Variants in MYLK4 observed in about 807,000 individuals in gnomAD.
MYLK4 encodes the protein myosin light chain kinase family member 4, also known as caMLCK like.
MYLK4 carries 46 observed loss-of-function variants against 48.1 expected under a neutral mutation model. The ratio of observed to expected loss-of-function variants is 0.96; its 90% CI spans 0.75 to 1.22. The LOEUF is 1.22. Among genes scored for constraint, MYLK4 ranks in the 50% most tolerant of loss-of-function variants. MYLK4 has a pLI of 0.00. For synonymous variants in MYLK4, 170 were observed against 180.8 expected (o/e 0.94, Z 0.48); for missense variants, 451 against 486.1 (o/e 0.93, Z 0.68).
the MYLK4 span, chr6:2,765,346 C>G: frequency 3.9e-5 from 11 of 280,178 alleles, no homozygotes; most frequent in Non-Finnish European, 6.5e-5. Context: ...CACTTACTTA[C>G]ATGCCGCGCG....
the MYLK4 span, among the ~76,000 whole-genome samples, chr6:2,762,433 A>G: frequency 6.6e-6 from 1 of 152,236 alleles, no homozygotes; most frequent in African/African-American, 2.4e-5. Context: ...TTTAGGCCTT[A>G]TATTAAGAGA....
At position 2,677,884 on chromosome 6, in the gene MYLK4, G is replaced by A. The variant is rs537197971; in HGVS notation, c.1040+336C>T. On this transcript the variant is annotated intron_variant, in intron 10 of 12. Transcript: ENST00000274643. ...ATGGTAGTTAAAGATTCAGCTACAC[G>A]GAACCATATACAGCTTAGTAGAGGT... Among the ~76,000 whole-genome samples the A allele has an allele frequency of 7.9e-5, 12 of 152,294 alleles. 1 individual carries two copies. In the South Asian group the frequency reaches 1.5e-3, roughly 18 times the overall value.
intron 3 of MYLK4, among the ~76,000 whole-genome samples, chr6:2,689,963 C>T (rs1260927930): frequency 6.9e-6 from 1 of 143,984 alleles, no homozygotes; most frequent in Non-Finnish European, 1.5e-5. Flanking sequence ...ACTGAAGTCA[C>T]CAGAGAAGCA....
At chr6:2,764,998 C>A in the MYLK4 span, among the ~76,000 whole-genome samples, 14 of 152,300 alleles carry the variant, frequency 9.2e-5, no homozygotes, top group African/African-American at 3.1e-4. Context: ...GCGGCCGCCT[C>A]CTGCTTGTCC....
intron 3 of MYLK4, among the ~76,000 whole-genome samples, chr6:2,690,994 A>C (rs922540183): frequency 2.0e-5 from 3 of 151,770 alleles, no homozygotes; most frequent in African/African-American, 7.3e-5. Flanking sequence ...ACGCCCGGCT[A>C]ATTTTTTTGT....
intron 1 of MYLK4, among the ~76,000 whole-genome samples, chr6:2,750,116 CAGGGAG>C (rs1764239251): frequency 6.6e-6 from 1 of 152,164 alleles, no homozygotes; most frequent in Non-Finnish European, 1.5e-5. Flanking sequence ...CATAGAGAGG[CAGGGAG>C]AGGGAGAGAC....
the MYLK4 span, among the ~76,000 whole-genome samples, chr6:2,766,700 GTT>G: frequency 3.9e-5 from 6 of 152,324 alleles, 1 homozygote; most frequent in South Asian, 1.2e-3. Flanking sequence ...TGAATCCATA[GTT>G]TTACAAGATG....
rs926870024 is a variant in MYLK4, at chr6:2,685,232, G to GAGGCAC, written c.545+58_545+63dup. 5.7e-6 allele frequency: 7 copies of GAGGCAC among 1,238,936 alleles called. No individual in the cohort carries two copies. In the Admixed American group the frequency reaches 6.8e-5, roughly 12 times the overall value. 76.7% of individuals were successfully genotyped at this position (1,238,936 alleles called of 1,614,324 possible). A position where few individuals can be genotyped will look rare whatever the true frequency, so the allele number is the denominator to read the frequency against. On this transcript the variant is annotated intron_variant, in intron 6 of 12. Transcript: ENST00000274643. This position sits in a 1 kb window ranked among gnomAD's most constrained non-coding sequence, Gnocchi z 4.5. Reference sequence around the variant, plus strand: ...CCCGCTACAGCAGGACGGAGCTACTGAGGCACGGTCACGGTCATGAGTGCC... The same window carrying GAGGCAC: ...CCCGCTACAGCAGGACGGAGCTACTGAGGCACAGGCACGGTCACGGTCATGAGTGCC...
intron 2 of MYLK4, among the ~76,000 whole-genome samples, chr6:2,709,901 A>G (rs557777633): frequency 8.2e-4 from 125 of 152,362 alleles, no homozygotes; most frequent in Non-Finnish European, 9.3e-4. Context: ...TCTGTCCCCA[A>G]GAAACTAACA....
At chr6:2,738,327 A>C (rs1190063573) in intron 2 of MYLK4, among the ~76,000 whole-genome samples, 2 of 152,250 alleles carry the variant, frequency 1.3e-5, no homozygotes, top group Non-Finnish European at 2.9e-5. Flanking sequence ...CATAGGAAAC[A>C]TCTTAATACA....
chr6:2,666,357 C>T lies in MYLK4; in HGVS notation c.*1568G>A, dbSNP rs534282163. 2.6e-5 allele frequency: 4 copies of T among 152,182 alleles called. No individual in the cohort carries two copies. Among genetic ancestry groups the T allele is most frequent in the Admixed American group, 6.5e-5 (1 of 15,294 alleles). The allele number at this position is 152,182 out of a possible 1,614,324, so 9.4% of individuals were successfully genotyped here. A position where few individuals can be genotyped will look rare whatever the true frequency, so the allele number is the denominator to read the frequency against. ...CCATTCTGGCCAACATGGAGAAACC[C>T]CATCTCTACTAAAAATGCAAAAATC... On this transcript the variant is annotated 3_prime_UTR_variant, in exon 13 of 13. Transcript: ENST00000274643.
At chr6:2,710,563 C>T (rs572805820) in intron 2 of MYLK4, among the ~76,000 whole-genome samples, 1 of 152,270 alleles carries the variant, frequency 6.6e-6, no homozygotes, top group South Asian at 2.1e-4. Flanking sequence ...TGCTTCCTTA[C>T]CCCTCCCTAA....
chr6:2,763,421 G>C, the MYLK4 span, among the ~76,000 whole-genome samples: 5 of 152,208 alleles, frequency 3.3e-5, no homozygotes, highest in African/African-American at 1.2e-4. Flanking sequence ...GGCCGCGCAG[G>C]AGTCCCCAGT....
intron 6 of MYLK4, among the ~76,000 whole-genome samples, chr6:2,683,391 T>TTTTG (rs556476421): frequency 2.4e-5 from 3 of 126,664 alleles, no homozygotes; most frequent in South Asian, 2.9e-4. Flanking sequence ...CCCCACCTTT[T>TTTTG]TGTGTGTGTG....
At chr6:2,679,906 T>A (rs1423671492) in intron 8 of MYLK4, among the ~76,000 whole-genome samples, 1 of 152,228 alleles carries the variant, frequency 6.6e-6, no homozygotes, top group African/African-American at 2.4e-5. Context: ...ATTTTTAAAG[T>A]AAATCTTCTC....
chr6:2,715,983 C>T (rs557615971), intron 2 of MYLK4, among the ~76,000 whole-genome samples: 1 of 151,950 alleles, frequency 6.6e-6, no homozygotes, highest in Admixed American at 6.6e-5. Context: ...CCAGGGATTC[C>T]AGAACCTTTG....
intron 2 of MYLK4, among the ~76,000 whole-genome samples, chr6:2,694,968 C>T (rs1762008776): frequency 2.0e-5 from 3 of 152,030 alleles, no homozygotes; most frequent in Admixed American, 1.3e-4. Context: ...AGATCTACTA[C>T]ATAGTTGGCA....
intron 2 of MYLK4, among the ~76,000 whole-genome samples, chr6:2,693,791 CTT>C (rs1761908165): frequency 7.5e-6 from 1 of 133,596 alleles, no homozygotes. Flanking sequence ...GAGTTTCGCT[CTT>C]GTTGCCCAGG....
intron 7 of MYLK4, 149 bp from the exon 8 acceptor site, chr6:2,680,440 C>T (rs1761251777): frequency 3.3e-6 from 5 of 1,499,282 alleles, no homozygotes; most frequent in Non-Finnish European, 4.4e-6. Context: ...GGTACTTTCT[C>T]CTTTAATTAT....
Sources: gnomAD v4.1 joint callset for allele counts (sites outside exome capture counted in the v4.1 genomes callset) on GRCh38, gnomAD v4.1.1 for gene constraint, Gnocchi (gnomAD v3.1) non-coding constraint, MANE v1.5 for transcripts, NCBI Gene and HGNC (gene_info 2026-07-23, HGNC 2026-07-21) for gene names.